Variants in DDX60L observed in about 807,000 individuals in gnomAD.
DDX60L encodes DExD/H-box 60 like, also known as probable ATP-dependent RNA helicase DDX60-like.
DDX60L carries 191 observed loss-of-function variants against 211.6 expected under a neutral mutation model. That is an observed-to-expected ratio of 0.90 (90% CI 0.80 to 1.02). The LOEUF (loss-of-function observed/expected upper bound fraction) is 1.02, where lower values mean the gene tolerates loss of function less well. DDX60L is among the 50% of genes least tolerant of loss of function. The pLI is 0.00. For synonymous variants in DDX60L, 706 were observed against 694.1 expected, an observed-to-expected ratio of 1.02 and a Z score of -0.27; for missense variants, 2,007 against 1,984.1, an observed-to-expected ratio of 1.01 and a Z score of -0.22.
chr4:168,459,105 G>T (rs180884784), intron 5 of DDX60L, among the ~76,000 whole-genome samples: 25 of 152,038 alleles, frequency 1.6e-4, no homozygotes, highest in Non-Finnish European at 3.5e-4. Context: ...CAGTCCAAAG[G>T]GGGTGAGAAA....
chr4:168,456,223 T>G (rs1756552453), intron 6 of DDX60L, 71 bp from the exon 7 acceptor site: 3 of 894,396 alleles, frequency 3.4e-6, no homozygotes, highest in Non-Finnish European at 4.8e-6. Context: ...GTGCTCTTAC[T>G]TGTAAGAAAC....
At chr4:168,366,069 C>T (rs1256360464) in intron 36 of DDX60L, among the ~76,000 whole-genome samples, 3 of 151,912 alleles carry the variant, frequency 2.0e-5, no homozygotes, top group Non-Finnish European at 2.9e-5. Context: ...TAACATCATA[C>T]GATCAGGAAT....
chr4:168,378,038 A>G (rs1418055255), intron 33 of DDX60L, among the ~76,000 whole-genome samples: 1 of 152,230 alleles, frequency 6.6e-6, no homozygotes, highest in Non-Finnish European at 1.5e-5. Flanking sequence ...AACAATCCCA[A>G]TGGAACTATA....
At chr4:168,442,118 G>A (rs1753944296) in intron 9 of DDX60L, among the ~76,000 whole-genome samples, 1 of 152,070 alleles carries the variant, frequency 6.6e-6, no homozygotes, top group Non-Finnish European at 1.5e-5. Context: ...GGGAGTGCCA[G>A]ACAGTGGGCA....
rs544223549 is a variant in DDX60L, at chr4:168,404,122, A to G, written c.3214-16T>C. 1 of 1,276,388 alleles carries G rather than the reference A, an allele frequency of 7.8e-7. No homozygotes were observed. The highest frequency in any genetic ancestry group is 3.1e-5 in the East Asian group (1 of 31,868). The allele number at this position is 1,276,388 out of a possible 1,614,324, so 79.1% of individuals were successfully genotyped here. On this transcript the variant is annotated splice_polypyrimidine_tract_variant and intron_variant, in intron 24 of 37. Coordinates refer to ENST00000682922, the MANE Select transcript of DDX60L (RefSeq NM_001012967.3). The stretch of plus-strand genomic sequence containing the variant: ...CTCTTTTGACCTACAACAGTAAGTA[A>G]AAATTATTTAAAAAAAAAAAAAGAA...
chr4:168,419,257 G>T lies in DDX60L; in HGVS notation c.2610+45C>A, dbSNP rs369182585. The T allele has an allele frequency of 1.2e-3, 1,571 of 1,339,236 alleles. 5 individuals carry two copies. The highest frequency in any genetic ancestry group is 1.6e-3 in the South Asian group (117 of 75,024). The allele number at this position is 1,339,236 out of a possible 1,614,324, so 83.0% of individuals were successfully genotyped here. On this transcript the variant is annotated intron_variant, in intron 19 of 37. Coordinates refer to ENST00000682922, the MANE Select transcript of DDX60L (RefSeq NM_001012967.3). ...TTCTTTAAATTACAAATTATAGGGTGTATGCAGACTAGAACATCAACCAGA... is the reference window on the plus strand; with the variant it reads ...TTCTTTAAATTACAAATTATAGGGTTTATGCAGACTAGAACATCAACCAGA...
chr4:168,372,601 C>T (rs1408452081), intron 35 of DDX60L, among the ~76,000 whole-genome samples: 4 of 151,914 alleles, frequency 2.6e-5, no homozygotes, highest in East Asian at 3.9e-4. Flanking sequence ...CTGGCACGTG[C>T]GTGTAGTTCC....
chr4:168,417,271 C>T (rs1468630429), intron 19 of DDX60L, among the ~76,000 whole-genome samples: 1 of 152,186 alleles, frequency 6.6e-6, no homozygotes, highest in East Asian at 1.9e-4. Context: ...TAACTTCCTG[C>T]ATGGTCTGGC....
intron 14 of DDX60L, 115 bp downstream of exon 14, chr4:168,426,955 A>G: frequency 8.4e-7 from 1 of 1,187,144 alleles, no homozygotes; most frequent in Admixed American, 2.8e-5. Context: ...TGTTGACAAT[A>G]AAATCAGACA....
chr4:168,450,696 G>A (rs1018921469), intron 8 of DDX60L, among the ~76,000 whole-genome samples: 2 of 152,158 alleles, frequency 1.3e-5, no homozygotes, highest in African/African-American at 4.8e-5. Context: ...CAGGAGGATT[G>A]TTTGAGCCCA....
At chr4:168,371,910 G>T in intron 35 of DDX60L, 147 bp from the exon 36 acceptor site, 1 of 704,974 alleles carries the variant, frequency 1.4e-6, no homozygotes, top group Non-Finnish European at 2.3e-6. Flanking sequence ...GGATTCCCAT[G>T]GGGGTTGAGG....
chr4:168,402,568 G>T (rs1477256805), intron 25 of DDX60L, among the ~76,000 whole-genome samples: 1 of 152,170 alleles, frequency 6.6e-6, no homozygotes, highest in South Asian at 2.1e-4. Context: ...AAATGAGGCT[G>T]CAAGAAGCTA....
chr4:168,422,836 C>T (rs1472639414), intron 15 of DDX60L, among the ~76,000 whole-genome samples, 166 bp from the exon 16 acceptor site: 5 of 152,040 alleles, frequency 3.3e-5, no homozygotes, highest in East Asian at 1.9e-4. Context: ...AGTGCAGTGA[C>T]GCCATCATAG....
At position 168,419,251 on chromosome 4, in the gene DDX60L, T is replaced by C. The variant is rs1049030838; in HGVS notation, c.2610+51A>G. 16 of 1,266,386 alleles carry C rather than the reference T, an allele frequency of 1.3e-5. No homozygotes were observed. In the Admixed American group the frequency reaches 2.1e-4, roughly 17 times the overall value. 78.4% of individuals were successfully genotyped at this position (1,266,386 alleles called of 1,614,324 possible). On this transcript the variant is annotated intron_variant, in intron 19 of 37. Coordinates refer to ENST00000682922, the MANE Select transcript of DDX60L (RefSeq NM_001012967.3). ...CCTATATTCTTTAAATTACAAATTA[T>C]AGGGTGTATGCAGACTAGAACATCA...
chr4:168,422,594 T>C lies in DDX60L; in HGVS notation c.2174A>G (p.His725Arg). 5 of 1,613,786 alleles carry C rather than the reference T, an allele frequency of 3.1e-6. 1 individual carries two copies. In the Admixed American group the frequency reaches 5.0e-5, roughly 16 times the overall value. The change falls in exon 16 of 38, where the codon CAT (histidine) becomes CGT (arginine). Residue 725 changes from histidine to arginine, a missense_variant. By Grantham distance (29) the His-to-Arg change is conservative (BLOSUM62 0). Coordinates refer to ENST00000682922, the MANE Select transcript of DDX60L (RefSeq NM_001012967.3). Reference protein sequence around the residue: ...PARFQLQYMGHYLIRDERKDR... With the variant: ...PARFQLQYMGRYLIRDERKDR... The stretch of plus-strand genomic sequence containing the variant: ...TTTTCTTTCATCTCTTATCAAGTAA[T>C]GGCCCATGTATTGCAGTTGAAACCG...
chr4:168,451,847 A>AG (rs1259994397), intron 8 of DDX60L, among the ~76,000 whole-genome samples: 1 of 152,126 alleles, frequency 6.6e-6, no homozygotes, highest in Non-Finnish European at 1.5e-5. Context: ...GGCATTCGCA[A>AG]GTGCTATGTC....
intron 1 of DDX60L, among the ~76,000 whole-genome samples, chr4:168,474,367 G>A (rs905757705): frequency 9.2e-5 from 14 of 151,946 alleles, no homozygotes; most frequent in Non-Finnish European, 1.3e-4. Context: ...AGTAAGGATC[G>A]TCAGATATAA....
chr4:168,436,474 T>C (rs1355774686), intron 10 of DDX60L, among the ~76,000 whole-genome samples: 2 of 152,244 alleles, frequency 1.3e-5, no homozygotes, highest in Non-Finnish European at 2.9e-5. Flanking sequence ...TCTTACCATA[T>C]TCTCCATCAT....
chr4:168,390,247 A>T, intron 29 of DDX60L: 1 of 1,063,110 alleles, frequency 9.4e-7, no homozygotes, highest in Admixed American at 5.3e-5. Flanking sequence ...CAAGGAAGAG[A>T]AAAAAGGAGA....
Sources: gnomAD v4.1 joint callset for allele counts (sites outside exome capture counted in the v4.1 genomes callset) on GRCh38, gnomAD v4.1.1 for gene constraint, MANE v1.5 for transcripts, NCBI Gene and HGNC (gene_info 2026-07-23, HGNC 2026-07-21) for gene names.